Variants in DLGAP2 observed in about 807,000 individuals in gnomAD.
DLGAP2 encodes the protein disks large-associated protein 2.
In DLGAP2, 26 loss-of-function variants were observed where a neutral mutation model predicts 100.3. The observed-to-expected ratio is 0.26, with a 90% CI of 0.19 to 0.36. The LOEUF is 0.36. Ranked by LOEUF, DLGAP2 falls within the 10% of genes least tolerant of loss-of-function variation. The probability of loss-of-function intolerance (pLI) is 1.00; values close to 1 mark genes in which losing one functional copy is unlikely to be tolerated. For synonymous variants in DLGAP2, 886 were observed against 630.1 expected (o/e 1.41, Z -6.08); for missense variants, 1,858 against 1,453.2 (o/e 1.28, Z -4.53).
rs544272963 is a variant in DLGAP2 at position 974,271 on chromosome 8, A to G, written c.73+66305A>G. Among the ~76,000 whole-genome samples, 23 of 152,346 alleles carry G rather than the reference A, an allele frequency of 1.5e-4. No homozygotes were observed. In the South Asian group the frequency reaches 4.8e-3, roughly 32 times the overall value. On this transcript the variant is annotated intron_variant, in intron 2 of 14. Coordinates refer to ENST00000637795, the MANE Select transcript of DLGAP2 (RefSeq NM_001346810.2). ...AATGAAATCTTGAAAGAAGCTACAGAAATAAAATGGCTCACGTACAGAGGG... is the reference window on the plus strand; with the variant it reads ...AATGAAATCTTGAAAGAAGCTACAGGAATAAAATGGCTCACGTACAGAGGG...
chr8:1,684,769 A>T (rs1285192657), intron 12 of DLGAP2, among the ~76,000 whole-genome samples: 1 of 152,162 alleles, frequency 6.6e-6, no homozygotes, highest in Non-Finnish European at 1.5e-5. Flanking sequence ...TACATAAAGG[A>T]AAAATCAAAA....
chr8:827,838 G>A (rs186269624), intron 1 of DLGAP2, among the ~76,000 whole-genome samples: 14 of 152,282 alleles, frequency 9.2e-5, no homozygotes, highest in Admixed American at 2.0e-4. Flanking sequence ...CGATAATCAC[G>A]TAGGTTCTTT....
intron 2 of DLGAP2, chr8:926,929 G>T (rs999884885): frequency 4.6e-4 from 348 of 762,250 alleles, no homozygotes; most frequent in Non-Finnish European, 5.2e-4. Context: ...CCCTGAGCCG[G>T]ATTAAATGCC....
At chr8:752,843 C>G (rs1820826500) in intron 1 of DLGAP2, among the ~76,000 whole-genome samples, 1 of 152,114 alleles carries the variant, frequency 6.6e-6, no homozygotes, top group South Asian at 2.1e-4. Context: ...CTCAGAGCCT[C>G]CCACTCCTGC....
chr8:1,429,218 G>A (rs57364831), intron 3 of DLGAP2, among the ~76,000 whole-genome samples: 36,210 of 152,066 alleles, frequency 0.24, 4,462 homozygotes, highest in Middle Eastern at 0.31. Context: ...GCAGTTTCTG[G>A]ATGGTAGAAT....
At chr8:1,605,509 C>G (rs1218969207) in intron 6 of DLGAP2, among the ~76,000 whole-genome samples, 1 of 152,136 alleles carries the variant, frequency 6.6e-6, no homozygotes, top group Non-Finnish European at 1.5e-5. Context: ...TGCGGCCTGT[C>G]CTTTGTGCAT....
chr8:1,211,813 T>G (rs562872326), intron 2 of DLGAP2, among the ~76,000 whole-genome samples: 2 of 152,312 alleles, frequency 1.3e-5, no homozygotes, highest in South Asian at 4.1e-4. Flanking sequence ...AGGTGGAGGT[T>G]GCAGTGAGCC....
chr8:1,277,330 C>T (rs574840802), intron 3 of DLGAP2, among the ~76,000 whole-genome samples: 1 of 152,066 alleles, frequency 6.6e-6, no homozygotes, highest in African/African-American at 2.4e-5. Flanking sequence ...GTTGCTATTT[C>T]AAATTAATCT....
intron 3 of DLGAP2, among the ~76,000 whole-genome samples, chr8:1,275,901 T>TAAATATAATATATAAATAA (rs1563056397): frequency 1.2e-4 from 10 of 83,088 alleles, no homozygotes; most frequent in African/African-American, 4.8e-4. Flanking sequence ...AATATATAAA[T>TAAATATAATATATAAATAA]ATATATAATA....
In DLGAP2 at chr8:1,379,358, C is replaced by T. The variant is rs559121974; in HGVS notation, c.106+120475C>T. ...TTGCTAAGTCATGTCCCTGGCACAG[C>T]CGCCCCACACGGCACGTACGCCGAC... On this transcript the variant is annotated intron_variant, in intron 3 of 14. Transcript: ENST00000637795. 1.8e-4 allele frequency among the ~76,000 whole-genome samples: 27 copies of T among 152,386 alleles called. No individual in the cohort carries two copies. In the South Asian group the frequency reaches 5.6e-3, roughly 32 times the overall value.
chr8:1,311,376 C>G (rs1371863781), intron 3 of DLGAP2, among the ~76,000 whole-genome samples: 3 of 152,198 alleles, frequency 2.0e-5, no homozygotes, highest in African/African-American at 7.2e-5. Flanking sequence ...CACAAATCCA[C>G]AGACCCTTCC....
chr8:1,074,674 C>T (rs988840774), intron 2 of DLGAP2, among the ~76,000 whole-genome samples: 6 of 152,126 alleles, frequency 3.9e-5, no homozygotes, highest in Non-Finnish European at 5.9e-5. Flanking sequence ...AAATGGACCT[C>T]GGTATTAAAC....
chr8:823,926 T>C (rs1796635582), intron 1 of DLGAP2, among the ~76,000 whole-genome samples: 1 of 152,186 alleles, frequency 6.6e-6, no homozygotes, highest in Non-Finnish European at 1.5e-5. Flanking sequence ...AGCTATCCCT[T>C]ATACGATGGA....
chr8:1,355,743 C>A (rs1801833680), intron 3 of DLGAP2, among the ~76,000 whole-genome samples: 1 of 152,152 alleles, frequency 6.6e-6, no homozygotes, highest in Non-Finnish European at 1.5e-5. Flanking sequence ...AAGACTGGTC[C>A]TGTCCCTGTG....
chr8:981,126 G>A (rs1212222573), intron 2 of DLGAP2, among the ~76,000 whole-genome samples: 1 of 151,970 alleles, frequency 6.6e-6, no homozygotes, highest in Non-Finnish European at 1.5e-5. Context: ...TCTGTCTCTC[G>A]GAATTCCCCT....
rs1257449241 is a variant in DLGAP2 at position 1,317,113 on chromosome 8, C to T, written c.106+58230C>T. Among the ~76,000 whole-genome samples, 6 of 136,524 alleles carry T rather than the reference C, an allele frequency of 4.4e-5. 1 individual carries two copies. The highest frequency in any genetic ancestry group is 2.1e-4 in the East Asian group (1 of 4,700). 89.6% of individuals were successfully genotyped at this position (136,524 alleles called of 152,430 possible). On this transcript the variant is annotated intron_variant, in intron 3 of 14. Coordinates refer to ENST00000637795, the MANE Select transcript of DLGAP2 (RefSeq NM_001346810.2). ...GCAGCGTTTAAAAATAGAGCCTGTGCGAGTGCAGCGTCTCTCCAACAGTGG... is the reference window on the plus strand; with the variant it reads ...GCAGCGTTTAAAAATAGAGCCTGTGTGAGTGCAGCGTCTCTCCAACAGTGG...
At chr8:1,267,965 C>T (rs1170875899) in intron 3 of DLGAP2, among the ~76,000 whole-genome samples, 1 of 152,142 alleles carries the variant, frequency 6.6e-6, no homozygotes, top group Non-Finnish European at 1.5e-5. Context: ...ATAAGTGCTG[C>T]ATTTAGAATC....
At chr8:1,378,097 C>T (rs1796000927) in intron 3 of DLGAP2, 1 of 156,504 alleles carries the variant, frequency 6.4e-6, no homozygotes, top group Admixed American at 6.5e-5. Context: ...TATCTGGACG[C>T]AGGTGCACAC....
chr8:1,550,044 T>C (rs931289438), intron 5 of DLGAP2, among the ~76,000 whole-genome samples: 2 of 152,188 alleles, frequency 1.3e-5, no homozygotes, highest in Non-Finnish European at 2.9e-5. Context: ...CCAGTCCCTC[T>C]GGTAACCACG....
Sources: gnomAD v4.1 joint callset for allele counts (sites outside exome capture counted in the v4.1 genomes callset) on GRCh38, gnomAD v4.1.1 for gene constraint, MANE v1.5 for transcripts, NCBI Gene and HGNC (gene_info 2026-07-23, HGNC 2026-07-21) for gene names.